The following SNRK variants were observed in gnomAD, a reference collection of about 807,000 sequenced individuals.
SNRK encodes the protein SNF-related serine/threonine-protein kinase.
A neutral mutation model predicts 48.2 loss-of-function variants in SNRK; 3 were observed. The observed-to-expected ratio is 0.06, with a 90% CI of 0.03 to 0.16. The LOEUF is 0.16. Among genes scored for constraint, SNRK ranks in the 10% least tolerant of loss-of-function variants. The probability of loss-of-function intolerance (pLI) is 1.00; values close to 1 mark genes in which losing one functional copy is unlikely to be tolerated. For synonymous variants in SNRK, 376 were observed against 366.1 expected (o/e 1.03, Z -0.31); for missense variants, 627 against 976.0 (o/e 0.64, Z 4.76).
intron 3 of SNRK, among the ~76,000 whole-genome samples, chr3:43,310,827 T>G (rs1169613333): frequency 3.9e-5 from 6 of 152,190 alleles, no homozygotes; most frequent in African/African-American, 1.4e-4. Flanking sequence ...TTTGTTTTTT[T>G]TATTTTAACA....
chr3:43,305,800 T>C (rs1271529919), intron 3 of SNRK, among the ~76,000 whole-genome samples: 2 of 152,170 alleles, frequency 1.3e-5, no homozygotes, highest in African/African-American at 4.8e-5. Context: ...TTATATAAAA[T>C]TTTAAAACAT....
intron 3 of SNRK, among the ~76,000 whole-genome samples, chr3:43,307,253 A>T (rs2125622875): frequency 6.6e-6 from 1 of 152,300 alleles, no homozygotes; most frequent in East Asian, 1.9e-4. Flanking sequence ...TATACCTTTT[A>T]TCAATACGAA....
intron 3 of SNRK, among the ~76,000 whole-genome samples, chr3:43,327,586 A>G (rs1360450474): frequency 1.3e-5 from 2 of 152,186 alleles, no homozygotes; most frequent in African/African-American, 4.8e-5. Flanking sequence ...ATTATTTTCT[A>G]ATCCTCCTCT....
chr3:43,309,612 G>GTT (rs35398476), intron 3 of SNRK, among the ~76,000 whole-genome samples: 539 of 143,076 alleles, frequency 3.8e-3, no homozygotes, highest in Middle Eastern at 0.011. Flanking sequence ...TAGAAATAAG[G>GTT]TTTTTTTTTT....
At chr3:43,331,922 G>C (rs17075568) in intron 3 of SNRK, among the ~76,000 whole-genome samples, 3,582 of 152,230 alleles carry the variant, frequency 0.024, 148 homozygotes, top group African/African-American at 0.081. Flanking sequence ...TGTTACCAAA[G>C]GCATTAATTT....
intron 3 of SNRK, among the ~76,000 whole-genome samples, chr3:43,308,153 T>G (rs2090952754): frequency 6.6e-6 from 1 of 152,202 alleles, no homozygotes; most frequent in African/African-American, 2.4e-5. Context: ...GAGGAAAAGT[T>G]TGAAACTAGC....
At chr3:43,345,034 A>C (rs1389642177) in intron 6 of SNRK, among the ~76,000 whole-genome samples, 1 of 152,230 alleles carries the variant, frequency 6.6e-6, no homozygotes, top group African/African-American at 2.4e-5. Context: ...CAAGGTGGGA[A>C]GATCCTTTGA....
chr3:43,344,697 G>T (rs775516021), intron 6 of SNRK, among the ~76,000 whole-genome samples: 2 of 152,102 alleles, frequency 1.3e-5, no homozygotes, highest in Non-Finnish European at 2.9e-5. Context: ...TCTAGTGTCT[G>T]CTTAGAAGAG....
At chr3:43,301,209 A>G (rs144837007) in intron 2 of SNRK, among the ~76,000 whole-genome samples, 7 of 152,356 alleles carry the variant, frequency 4.6e-5, no homozygotes, top group Non-Finnish European at 8.8e-5. Flanking sequence ...TTTAACATAC[A>G]TAAATTTTTT....
Position 43,316,288 on chromosome 3 carries a change from G to A in SNRK, c.589+12496G>A, listed in dbSNP as rs530554584. Reference sequence around the variant, plus strand: ...TAATTTATTCTAGTTTAGTGGTAGGGTAGGATTTAAACTGGTGGCTCTCAG... The same window carrying A: ...TAATTTATTCTAGTTTAGTGGTAGGATAGGATTTAAACTGGTGGCTCTCAG... On this transcript the variant is annotated intron_variant, in intron 3 of 6. Transcript: ENST00000296088. Among the ~76,000 whole-genome samples, 4 of 152,098 alleles carry A rather than the reference G, an allele frequency of 2.6e-5. No individual in the cohort carries two copies. In the East Asian group the frequency reaches 5.8e-4, roughly 22 times the overall value.
intron 3 of SNRK, among the ~76,000 whole-genome samples, chr3:43,307,678 T>C (rs773166478): frequency 6.6e-6 from 1 of 152,070 alleles, no homozygotes; most frequent in Non-Finnish European, 1.5e-5. Flanking sequence ...CTACCAGCCA[T>C]TCCCCCATCT....
At chr3:43,328,616 C>A (rs1214705673) in intron 3 of SNRK, among the ~76,000 whole-genome samples, 1 of 152,130 alleles carries the variant, frequency 6.6e-6, no homozygotes, top group Admixed American at 6.5e-5. Context: ...TTTGTTGATG[C>A]CATTCTTAGT....
In SNRK at chr3:43,323,372, G is replaced by A. The variant is rs549279983; in HGVS notation, c.590-8797G>A. On this transcript the variant is annotated intron_variant, in intron 3 of 6. Coordinates refer to ENST00000296088, the MANE Select transcript of SNRK (RefSeq NM_017719.5). ...ATATGGCATATAAGCACATGCAGAT[G>A]TTCCACACCATTAGTCATTAGGGAA... is the stretch of plus-strand genomic sequence containing the variant. Among the ~76,000 whole-genome samples the A allele has an allele frequency of 7.2e-4, 110 of 152,304 alleles. 1 individual carries two copies. Among genetic ancestry groups the A allele is most frequent in the African/African-American group, 2.6e-3 (106 of 41,568 alleles).
chr3:43,311,496 G>A (rs1179948704), intron 3 of SNRK, among the ~76,000 whole-genome samples: 1 of 152,156 alleles, frequency 6.6e-6, no homozygotes, highest in Non-Finnish European at 1.5e-5. Context: ...GGGCTTTCAA[G>A]AATGTGTATT....
intron 1 of SNRK, among the ~76,000 whole-genome samples, chr3:43,294,521 G>A (rs1018297257): frequency 1.3e-5 from 2 of 152,002 alleles, no homozygotes; most frequent in African/African-American, 4.8e-5. Context: ...TGTCTTGTTG[G>A]CACTGAAAGT....
At chr3:43,308,064 C>A (rs1470730785) in intron 3 of SNRK, among the ~76,000 whole-genome samples, 1 of 152,200 alleles carries the variant, frequency 6.6e-6, no homozygotes, top group East Asian at 1.9e-4. Flanking sequence ...ACAATATTCC[C>A]TTAAGCCAAA....
intron 3 of SNRK, among the ~76,000 whole-genome samples, chr3:43,309,651 C>G (rs986374947): frequency 1.3e-4 from 20 of 148,352 alleles, no homozygotes; most frequent in African/African-American, 4.9e-4. Flanking sequence ...GGGACTCTCT[C>G]TGTAGCCCAG....
chr3:43,308,143 G>T (rs2090952713), intron 3 of SNRK, among the ~76,000 whole-genome samples: 1 of 152,202 alleles, frequency 6.6e-6, no homozygotes, highest in South Asian at 2.1e-4. Flanking sequence ...GGAAGCTGCA[G>T]AGGAAAAGTT....
In SNRK at chr3:43,309,151, G is replaced by GT. The variant is rs1004555950; in HGVS notation, c.589+5368dup. Among the ~76,000 whole-genome samples, 346 of 151,212 alleles carry GT rather than the reference G, an allele frequency of 2.3e-3. 1 individual carries two copies. The highest frequency in any genetic ancestry group is 7.5e-3 in the African/African-American group (310 of 41,228). The stretch of plus-strand genomic sequence containing the variant: ...CTTCTTGTGGATGAGCAAAGAAAGT[G>GT]TTTTTTTTTAGTTGTTGTTGTTTTA... On this transcript the variant is annotated intron_variant, in intron 3 of 6. Transcript: ENST00000296088.
Sources: allele counts gnomAD v4.1 joint callset (sites outside exome capture counted in the v4.1 genomes callset), GRCh38; gene constraint gnomAD v4.1.1; transcripts MANE v1.5; gene names NCBI Gene and HGNC (gene_info 2026-07-23, HGNC 2026-07-21).